The following NDUFAF2 variants were observed in gnomAD, a reference collection of about 807,000 sequenced individuals.
The protein encoded by NDUFAF2 is NADH:ubiquinone oxidoreductase complex assembly factor 2.
NDUFAF2 carries 13 observed loss-of-function variants against 22.8 expected under a neutral mutation model. The observed-to-expected ratio is 0.57, with a 90% CI of 0.37 to 0.91. The LOEUF (loss-of-function observed/expected upper bound fraction) is 0.91, where lower values mean the gene tolerates loss of function less well. NDUFAF2 is among the 40% of genes least tolerant of loss of function. The pLI, the probability that NDUFAF2 is intolerant of heterozygous loss-of-function variation, is 0.01. For synonymous variants in NDUFAF2, 53 were observed against 64.2 expected, an observed-to-expected ratio of 0.83 and a Z score of 0.84; for missense variants, 162 against 195.2, an observed-to-expected ratio of 0.83 and a Z score of 1.01.
At chr5:61,138,303 T>C (rs1350291693) in intron 3 of NDUFAF2, among the ~76,000 whole-genome samples, 2 of 152,032 alleles carry the variant, frequency 1.3e-5, no homozygotes, top group Admixed American at 6.5e-5. Flanking sequence ...GCCATAGAGA[T>C]AAAGAGAAAT....
At chr5:61,149,971 C>G (rs1394688551) in intron 3 of NDUFAF2, among the ~76,000 whole-genome samples, 1 of 152,086 alleles carries the variant, frequency 6.6e-6, no homozygotes, top group Non-Finnish European at 1.5e-5. Context: ...GCTCTGTCAC[C>G]TAGGTTGGAG....
intron 1 of NDUFAF2, among the ~76,000 whole-genome samples, chr5:61,011,741 T>C (rs1348467853): frequency 6.6e-6 from 1 of 152,114 alleles, no homozygotes; most frequent in Non-Finnish European, 1.5e-5. Flanking sequence ...GATAACGTTA[T>C]CATTGGTCTT....
At chr5:60,968,262 A>G (rs1341825193) in intron 1 of NDUFAF2, among the ~76,000 whole-genome samples, 1 of 151,700 alleles carries the variant, frequency 6.6e-6, no homozygotes, top group East Asian at 1.9e-4. Context: ...GACCATTTTT[A>G]AAAAATCTTT....
chr5:61,035,694 T>G (rs1416277208), intron 1 of NDUFAF2, among the ~76,000 whole-genome samples: 1 of 152,008 alleles, frequency 6.6e-6, no homozygotes, highest in Non-Finnish European at 1.5e-5. Context: ...AATCATCACT[T>G]CATTTTATAA....
chr5:61,003,338 G>T (rs1751322842), intron 1 of NDUFAF2, among the ~76,000 whole-genome samples: 1 of 152,000 alleles, frequency 6.6e-6, no homozygotes, highest in Non-Finnish European at 1.5e-5. Context: ...ATTGTCTCAA[G>T]TTTTGTTGCT....
chr5:61,031,852 AG>A (rs1435637431), intron 1 of NDUFAF2, among the ~76,000 whole-genome samples: 2 of 152,204 alleles, frequency 1.3e-5, no homozygotes, highest in Non-Finnish European at 2.9e-5. Flanking sequence ...ACAGTGTAAA[AG>A]CATTTCTGTT....
chr5:61,049,224 A>C (rs1751993054), intron 1 of NDUFAF2, among the ~76,000 whole-genome samples: 1 of 152,086 alleles, frequency 6.6e-6, no homozygotes, highest in African/African-American at 2.4e-5. Context: ...AGTATGTAGT[A>C]ATTTTTTATT....
chr5:61,129,106 A>T (rs1753074951), intron 3 of NDUFAF2, among the ~76,000 whole-genome samples: 1 of 152,190 alleles, frequency 6.6e-6, no homozygotes, highest in Non-Finnish European at 1.5e-5. Context: ...ATATTATCAC[A>T]CCAGTTAGAA....
intron 1 of NDUFAF2, among the ~76,000 whole-genome samples, chr5:60,946,483 T>C (rs1251785670): frequency 6.6e-6 from 1 of 152,204 alleles, no homozygotes; most frequent in Non-Finnish European, 1.5e-5. Context: ...GTTTCCCTAA[T>C]GAGCTCCTCT....
intron 3 of NDUFAF2, among the ~76,000 whole-genome samples, chr5:61,112,970 C>A (rs1411940765): frequency 6.6e-6 from 1 of 151,230 alleles, no homozygotes; most frequent in Non-Finnish European, 1.5e-5. Context: ...TAACCCATTA[C>A]TGTAAACTGC....
chr5:60,958,404 A>AT (rs535199420), intron 1 of NDUFAF2, among the ~76,000 whole-genome samples: 1 of 152,104 alleles, frequency 6.6e-6, no homozygotes. Flanking sequence ...TTGAAAACAC[A>AT]TTTTTTTCAT....
intron 1 of NDUFAF2, among the ~76,000 whole-genome samples, chr5:60,951,298 T>C (rs1750544730): frequency 6.6e-6 from 1 of 152,216 alleles, no homozygotes; most frequent in Non-Finnish European, 1.5e-5. Flanking sequence ...CCCAAAGTGC[T>C]GGGATTACAG....
At chr5:61,087,376 G>A (rs1031809188) in intron 2 of NDUFAF2, among the ~76,000 whole-genome samples, 4 of 152,078 alleles carry the variant, frequency 2.6e-5, no homozygotes, top group South Asian at 2.1e-4. Flanking sequence ...TATGGCAGCC[G>A]AAGCAGACTA....
At chr5:61,080,309 G>C (rs890020824) in intron 2 of NDUFAF2, among the ~76,000 whole-genome samples, 1 of 152,124 alleles carries the variant, frequency 6.6e-6, no homozygotes, top group Non-Finnish European at 1.5e-5. Flanking sequence ...TCCTTGGGCA[G>C]GATTGGTAGG....
chr5:61,132,928 A>G (rs1753130794), intron 3 of NDUFAF2, among the ~76,000 whole-genome samples: 1 of 144,022 alleles, frequency 6.9e-6, no homozygotes, highest in Admixed American at 7.3e-5. Flanking sequence ...TCTTAATCCC[A>G]CCTTCTCCAA....
chr5:61,015,460 T>G (rs892575748), intron 1 of NDUFAF2, among the ~76,000 whole-genome samples: 1 of 152,048 alleles, frequency 6.6e-6, no homozygotes, highest in Non-Finnish European at 1.5e-5. Flanking sequence ...TTTTGTATTT[T>G]TAGTAGAGAT....
At chr5:60,977,658 G>A (rs572381672) in intron 1 of NDUFAF2, among the ~76,000 whole-genome samples, 1 of 152,068 alleles carries the variant, frequency 6.6e-6, no homozygotes, top group African/African-American at 2.4e-5. Context: ...TCAATATGGT[G>A]AAACCCCGTT....
intron 3 of NDUFAF2, among the ~76,000 whole-genome samples, chr5:61,141,804 G>C (rs1387611592): frequency 6.6e-6 from 1 of 152,118 alleles, no homozygotes; most frequent in African/African-American, 2.4e-5. Context: ...TCTAGGGCAG[G>C]CTCTATATAG....
At position 61,040,286 on chromosome 5, in the gene NDUFAF2, A is replaced by ACACACGCG. The variant is rs1491193758; in HGVS notation, c.128-32838_128-32837insACACGCGC. On this transcript the variant is annotated intron_variant, in intron 1 of 3. Transcript: ENST00000296597. ...CACACACACACACACACACACACACACGCGCGCGCGCGCGCGAAAGTTGAA... is the reference window on the plus strand; with the variant it reads ...CACACACACACACACACACACACACACACACGCGCGCGCGCGCGCGCGCGAAAGTTGAA... Among the ~76,000 whole-genome samples, 463 of 93,026 alleles carry ACACACGCG rather than the reference A, an allele frequency of 5.0e-3. 2 individuals carry two copies. Among genetic ancestry groups the ACACACGCG allele is most frequent in the East Asian group, 8.0e-3 (28 of 3,504 alleles). 61.0% of individuals were successfully genotyped at this position (93,026 alleles called of 152,430 possible).
Sources: gnomAD v4.1 joint callset for allele counts (sites outside exome capture counted in the v4.1 genomes callset) on GRCh38, gnomAD v4.1.1 for gene constraint, MANE v1.5 for transcripts, NCBI Gene and HGNC (gene_info 2026-07-23, HGNC 2026-07-21) for gene names.